Variants in TLE3 observed in about 807,000 individuals in gnomAD.
TLE3 encodes the protein transducin-like enhancer protein 3.
In TLE3, 14 loss-of-function variants were observed where a neutral mutation model predicts 93.0. The ratio of observed to expected loss-of-function variants is 0.15; its 90% CI spans 0.10 to 0.24. The LOEUF is 0.24. TLE3 is among the 10% of genes least tolerant of loss of function. The pLI is 1.00. For missense variants in TLE3, 693 were observed against 1,046.6 expected, an observed-to-expected ratio of 0.66 and a Z score of 4.66; for synonymous variants, 451 against 425.0, an observed-to-expected ratio of 1.06 and a Z score of -0.75.
In TLE3 at chr15:70,066,116, C is replaced by T. The variant is rs2056801766; in HGVS notation, c.475G>A (p.Val159Met). 6.4e-7 allele frequency: 1 copy of T among 1,568,030 alleles called. No homozygotes were observed. Reference sequence around the variant, plus strand: ...AGCAGCCCGGAGCTGCTCCCTGTCACTGGGGGGATTCCTGGAGGCTGGAGA... The same window carrying T: ...AGCAGCCCGGAGCTGCTCCCTGTCATTGGGGGGATTCCTGGAGGCTGGAGA... The part of the protein sequence containing the change: ...SGLQPPGIPP[V>M]TGSSSGLLAL... The change falls in exon 7 of 20, where the codon GTG becomes ATG. Residue 159 changes from valine (V) to methionine (M), a missense_variant. Physicochemically the swap from Val to Met is conservative, Grantham distance 21. Coordinates refer to ENST00000451782, the MANE Select transcript of TLE3 (RefSeq NM_001105192.3).
chr15:70,051,550 C>T, intron 18 of TLE3, 83 bp from the exon 19 acceptor site: 1 of 1,220,310 alleles, frequency 8.2e-7, no homozygotes, highest in East Asian at 2.9e-5. Context: ...GGCCAGCTGC[C>T]ATAGAAAAGC....
At chr15:70,060,389 A>G in intron 9 of TLE3, 141 bp downstream of exon 9, 1 of 1,082,524 alleles carries the variant, frequency 9.2e-7, no homozygotes, top group Non-Finnish European at 1.3e-6. Context: ...TGCTCTCCTC[A>G]ATAGGGTCCC....
At chr15:70,061,877 CAGG>C (rs1056863465) in intron 8 of TLE3, among the ~76,000 whole-genome samples, 1 of 150,024 alleles carries the variant, frequency 6.7e-6, no homozygotes, top group Non-Finnish European at 1.5e-5. Flanking sequence ...CCATGCAACA[CAGG>C]AGGTCATATG....
At position 70,060,618 on chromosome 15, in the gene TLE3, C is replaced by T. The variant is rs763187955; in HGVS notation, c.626G>A (p.Arg209Gln). Residue 209 changes from arginine to glutamine, a missense_variant, in exon 9 of 20, where the codon CGG becomes CAG. This residue lies in a region of TLE3 where 405 missense variants were observed against 468.9 expected (regional missense o/e 0.86). Coordinates refer to ENST00000451782, the MANE Select transcript of TLE3 (RefSeq NM_001105192.3). ...NNSVSPSESL[R>Q]ASEKHRGSAD... ...AGAGCCCCGGTGCTTCTCACTGGCC[C>T]GGAGGCTTTCCGAGGGTGACACAGA... 6.2e-6 allele frequency: 10 copies of T among 1,613,818 alleles called. No individual in the cohort carries two copies. The highest frequency in any genetic ancestry group is 1.7e-5 in the Admixed American group (1 of 60,002).
chr15:70,062,421 G>A (rs1056616627), intron 8 of TLE3, among the ~76,000 whole-genome samples: 7 of 152,210 alleles, frequency 4.6e-5, no homozygotes, highest in Admixed American at 2.0e-4. Context: ...TTCTCCTCGC[G>A]ACCCGGTGCT....
At chr15:70,090,287 G>A (rs763780944) in intron 4 of TLE3, among the ~76,000 whole-genome samples, 2 of 152,086 alleles carry the variant, frequency 1.3e-5, no homozygotes, top group African/African-American at 4.8e-5. Context: ...ACAGATACCA[G>A]GGCATGGGGC....
rs1211885959 is a variant in TLE3, at chr15:70,066,135, C to A, written c.456G>T (p.Gln152His). Residue 152 changes from glutamine to histidine, a missense_variant, in exon 7 of 20, where the codon CAG becomes CAT. Gln to His is a conservative substitution (Grantham distance 24). Transcript: ENST00000451782. ...VQLPPHPSGL[Q>H]PPGIPPVTGS... ...CTGTCACTGGGGGGATTCCTGGAGG[C>A]TGGAGACCTGACGGGTGGGGTGGCA... 2 of 1,556,842 alleles carry A rather than the reference C, an allele frequency of 1.3e-6. No homozygotes were observed. The highest frequency in any genetic ancestry group is 3.7e-5 in the Admixed American group (2 of 53,674).
chr15:70,063,553 A>G (rs1437634491), intron 8 of TLE3, among the ~76,000 whole-genome samples: 1 of 152,236 alleles, frequency 6.6e-6, no homozygotes, highest in Non-Finnish European at 1.5e-5. Context: ...GCTGCTGTCT[A>G]GATGGTTAGT....
In TLE3 at chr15:70,055,902, G is replaced by A. The variant is rs558566177; in HGVS notation, c.1328+396C>T. The A allele has an allele frequency of 2.7e-4, 90 of 337,902 alleles. 2 individuals are homozygous for A. Among genetic ancestry groups the A allele is most frequent in the South Asian group, 1.4e-3 (52 of 36,046 alleles). The allele number at this position is 337,902 out of a possible 1,614,324, so 20.9% of individuals were successfully genotyped here. A position where few individuals can be genotyped will look rare whatever the true frequency, so the allele number is the denominator to read the frequency against. On this transcript the variant is annotated intron_variant, in intron 14 of 19. Coordinates refer to ENST00000451782, the MANE Select transcript of TLE3 (RefSeq NM_001105192.3). ...GCCGGGGAGAGTGTGCCCTCCAGGG[G>A]AGGGAAGCACTGCTGACAGGGAAGG...
Position 70,058,163 on chromosome 15 carries a change from C to T in TLE3, c.1047G>A (p.Pro349=), listed in dbSNP as rs116141177. 3.4e-5 allele frequency: 55 copies of T among 1,613,870 alleles called. No individual in the cohort carries two copies. The highest frequency in any genetic ancestry group is 1.1e-4 in the South Asian group (10 of 91,088). ...SMPGKPPGMD[P]IASALRTPIS... ...CATGGTGCCTACCCATTATACCTAT[C>T]GGGTCCATGCCCGGAGGTTTACCCG... The change falls in exon 12 of 20, where the codon CCG becomes CCA. Residue 349 remains proline (P), a synonymous_variant. Coordinates refer to ENST00000451782, the MANE Select transcript of TLE3 (RefSeq NM_001105192.3). The surrounding 1 kb of genome is among the most constrained non-coding windows in gnomAD (Gnocchi z 4.1).
chr15:70,063,597 G>A (rs752989470), intron 8 of TLE3, among the ~76,000 whole-genome samples: 1 of 152,210 alleles, frequency 6.6e-6, no homozygotes, highest in Non-Finnish European at 1.5e-5. Context: ...TACTTAACAC[G>A]AGGTAATAAC....
intron 7 of TLE3, 134 bp from the exon 8 acceptor site, chr15:70,064,604 A>G: frequency 8.0e-7 from 1 of 1,249,834 alleles, no homozygotes; most frequent in Non-Finnish European, 1.1e-6. Context: ...TAAAATGAGC[A>G]GAAGGCCTGG....
chr15:70,086,372 C>A (rs1442134632), intron 4 of TLE3, among the ~76,000 whole-genome samples: 1 of 152,198 alleles, frequency 6.6e-6, no homozygotes, highest in Non-Finnish European at 1.5e-5. Flanking sequence ...TCAGCAAAGA[C>A]CTGTCGAGGG....
At chr15:70,078,629 C>T (rs1467583133) in intron 4 of TLE3, among the ~76,000 whole-genome samples, 2 of 152,242 alleles carry the variant, frequency 1.3e-5, no homozygotes, top group African/African-American at 4.8e-5. Context: ...TGGGAGGGGC[C>T]GTGGTGGATG....
rs114167650 is a variant in TLE3 at position 70,058,904 on chromosome 15, G to A, written c.766-89C>T. 1,037 of 1,435,962 alleles carry A rather than the reference G, an allele frequency of 7.2e-4. 1 individual carries two copies. The African/African-American group carries it at 0.013, about 18-fold the overall frequency. 89.0% of individuals were successfully genotyped at this position (1,435,962 alleles called of 1,614,324 possible). ...CTGGGAGTGGGAAGAGAGAGGGCAT[G>A]GGCGATGGGAAGACGAGCTTGGCTG... On this transcript the variant is annotated intron_variant, in intron 10 of 19. Transcript: ENST00000451782. This position sits in a 1 kb window ranked among gnomAD's most constrained non-coding sequence, Gnocchi z 4.1.
At chr15:70,081,410 C>G (rs1157592163) in intron 4 of TLE3, among the ~76,000 whole-genome samples, 1 of 152,252 alleles carries the variant, frequency 6.6e-6, no homozygotes, top group African/African-American at 2.4e-5. Flanking sequence ...CTGACCTGGG[C>G]TGGGTCCCAA....
intron 5 of TLE3, among the ~76,000 whole-genome samples, chr15:70,075,497 C>A (rs144877802): frequency 0.029 from 4,453 of 152,312 alleles, 98 homozygotes; most frequent in Admixed American, 0.065. Context: ...CCTGAGGGAG[C>A]TGACATGGTC....
chr15:70,066,527 T>G, intron 6 of TLE3: 1 of 303,590 alleles, frequency 3.3e-6, no homozygotes, highest in South Asian at 1.1e-4. Flanking sequence ...AATGCATGCA[T>G]TTAAAAAACC....
At chr15:70,066,248 G>A (rs1052728481) in intron 6 of TLE3, 30 bp from the exon 7 acceptor site, 1 of 1,476,768 alleles carries the variant, frequency 6.8e-7, no homozygotes, top group Non-Finnish European at 9.0e-7. Context: ...GAGTACAGCT[G>A]AGTTGGGGAG....
Sources: gnomAD v4.1 joint callset for allele counts (sites outside exome capture counted in the v4.1 genomes callset) on GRCh38, gnomAD v4.1.1 for gene constraint, gnomAD v4.1.1 regional missense constraint, Gnocchi (gnomAD v3.1) non-coding constraint, MANE v1.5 for transcripts, NCBI Gene and HGNC (gene_info 2026-07-23, HGNC 2026-07-21) for gene names.